The following ZNF254 variants were observed in gnomAD, a reference collection of about 807,000 sequenced individuals.
ZNF254 encodes zinc finger protein 254.
A neutral mutation model predicts 12.4 loss-of-function variants in ZNF254; 10 were observed. The observed-to-expected ratio is 0.80, with a 90% confidence interval of 0.50 to 1.36. The LOEUF (loss-of-function observed/expected upper bound fraction) is 1.36, where lower values mean the gene tolerates loss of function less well. Ranked by LOEUF, ZNF254 falls within the 40% of genes most tolerant of loss-of-function variation. The probability of loss-of-function intolerance (pLI) is 0.00; values close to 1 mark genes in which losing one functional copy is unlikely to be tolerated. For missense variants in ZNF254, 996 were observed against 763.9 expected (o/e 1.30, Z -3.58); for synonymous variants, 305 against 253.4 (o/e 1.20, Z -1.93).
At position 24,123,445 on chromosome 19, in the gene ZNF254, C is replaced by G. The variant is rs180811822; in HGVS notation, c.254-2809C>G. ...TTGTTTTATACTGCCTTTAAGTAGT[C>G]TGTTCCCTTATTAACATTCTTTCTT... is the stretch of plus-strand genomic sequence containing the variant. On this transcript the variant is annotated intron_variant, in intron 3 of 3. Transcript: ENST00000357002. Among the ~76,000 whole-genome samples the G allele has an allele frequency of 1.2e-4, 19 of 152,272 alleles. No individual in the cohort carries two copies. In the East Asian group the frequency reaches 3.5e-3, roughly 28 times the overall value.
At chr19:24,091,163 T>C (rs998738040) in intron 1 of ZNF254, among the ~76,000 whole-genome samples, 3 of 151,970 alleles carry the variant, frequency 2.0e-5, no homozygotes, top group Non-Finnish European at 4.4e-5. Flanking sequence ...TAGGCTGGTC[T>C]TGAACTCCTG....
chr19:24,125,883 T>C (rs531003515), intron 3 of ZNF254, among the ~76,000 whole-genome samples: 40 of 152,358 alleles, frequency 2.6e-4, no homozygotes, highest in African/African-American at 7.2e-4. Context: ...ATTGTGCCGG[T>C]ATTTTACCTT....
intron 3 of ZNF254, among the ~76,000 whole-genome samples, chr19:24,113,504 T>C (rs914424319): frequency 6.6e-6 from 1 of 152,166 alleles, no homozygotes; most frequent in Admixed American, 6.5e-5. Context: ...CTAAAAACTC[T>C]CAATAAATTA....
At chr19:24,097,273 G>A (rs962304043) in intron 1 of ZNF254, among the ~76,000 whole-genome samples, 1 of 152,266 alleles carries the variant, frequency 6.6e-6, no homozygotes, top group African/African-American at 2.4e-5. Context: ...GCACACAAAA[G>A]TTGAGCATAA....
intron 1 of ZNF254, among the ~76,000 whole-genome samples, chr19:24,100,680 CTCTTT>C (rs1000436943): frequency 8.7e-6 from 1 of 114,400 alleles, no homozygotes; most frequent in Admixed American, 8.3e-5. Flanking sequence ...ATGTCTCTCT[CTCTTT>C]TTTTTTTTTT....
At chr19:24,060,441 A>G (rs1269439375) in intron 2 of ZNF254, among the ~76,000 whole-genome samples, 6 of 152,120 alleles carry the variant, frequency 3.9e-5, no homozygotes, top group Non-Finnish European at 5.9e-5. Context: ...CCCAGCATCA[A>G]TGTAATTTGT....
Position 24,091,880 on chromosome 19 carries a change from A to C in ZNF254, c.30+4543A>C, listed in dbSNP as rs954540663. 22 of 959,682 alleles carry C rather than the reference A, an allele frequency of 2.3e-5. No individual in the cohort carries two copies. The East Asian group carries it at 1.1e-3, about 47-fold the overall frequency. 59.4% of individuals were successfully genotyped at this position (959,682 alleles called of 1,614,324 possible). ...CTCCTAGAAGTGTTCCTATGTGATT[A>C]ATTTTTTTTTTTTTTTTGAGATGGA... is the stretch of plus-strand genomic sequence containing the variant. On this transcript the variant is annotated intron_variant, in intron 1 of 3. Coordinates refer to ENST00000357002, the MANE Select transcript of ZNF254 (RefSeq NM_203282.4).
At chr19:24,099,887 T>A (rs1972905962) in intron 1 of ZNF254, among the ~76,000 whole-genome samples, 1 of 152,186 alleles carries the variant, frequency 6.6e-6, no homozygotes, top group Non-Finnish European at 1.5e-5. Context: ...AGAGAATTTT[T>A]AAAAAATTAT....
intron 2 of ZNF254, among the ~76,000 whole-genome samples, chr19:24,051,869 A>G (rs1290127898): frequency 6.6e-6 from 1 of 151,874 alleles, no homozygotes; most frequent in Non-Finnish European, 1.5e-5. Flanking sequence ...GGTGTTTTTT[A>G]CATATAGTTG....
chr19:24,078,473 T>G (rs1301168589), intron 2 of ZNF254: 1 of 152,216 alleles, frequency 6.6e-6, no homozygotes, highest in Non-Finnish European at 1.5e-5. Flanking sequence ...TTCTCACTTT[T>G]TCAAAAAGAC....
intron 1 of ZNF254, chr19:24,104,458 G>A (rs527740557): frequency 8.5e-5 from 13 of 152,190 alleles, no homozygotes; most frequent in African/African-American, 2.9e-4. Flanking sequence ...TCAGCTAAAC[G>A]TGTCCCAGAT....
intron 3 of ZNF254, among the ~76,000 whole-genome samples, chr19:24,121,505 G>A (rs555261344): frequency 6.6e-5 from 10 of 151,808 alleles, no homozygotes; most frequent in Admixed American, 6.6e-4. Flanking sequence ...TCAGCCATAT[G>A]TCTTTTTCCA....
At chr19:24,069,723 T>C (rs1971414708) in intron 2 of ZNF254, among the ~76,000 whole-genome samples, 1 of 148,878 alleles carries the variant, frequency 6.7e-6, no homozygotes, top group African/African-American at 2.5e-5. Flanking sequence ...GAGGCCGAGG[T>C]GGGCGGATCA....
chr19:24,063,580 G>A lies in ZNF254; in HGVS notation c.-94+17301G>A, dbSNP rs191725160. On this transcript the variant is annotated intron_variant, in intron 2 of 4. Coordinates refer to the ZNF254 transcript ENST00000613065. ...GTGATGTAACACTTCATCCTGGACC[G>A]GTCTACAGAGGGGATTGTAATATAT... is the stretch of plus-strand genomic sequence containing the variant. 4.6e-5 allele frequency among the ~76,000 whole-genome samples: 7 copies of A among 152,216 alleles called. No individual in the cohort carries two copies. The East Asian group carries it at 9.7e-4, about 21-fold the overall frequency.
rs992898141 is a variant in ZNF254, at chr19:24,127,542, A to T, written c.1542A>T (p.Gly514=). 1.2e-6 allele frequency: 2 copies of T among 1,613,540 alleles called. No homozygotes were observed. The highest frequency in any genetic ancestry group is 1.1e-5 in the South Asian group (1 of 91,080). The change falls in exon 4 of 4, where the codon GGA becomes GGT. Residue 514 remains glycine (G), a synonymous_variant. Transcript: ENST00000357002. ...TLTTHKIIHT[G]EKPYKCEECG... Reference sequence around the variant, plus strand: ...CTACACATAAGATAATTCATACTGGAGAGAAACCCTACAAATGTGAAGAAT... The same window carrying T: ...CTACACATAAGATAATTCATACTGGTGAGAAACCCTACAAATGTGAAGAAT...
intron 3 of ZNF254, among the ~76,000 whole-genome samples, chr19:24,115,922 C>T (rs1255415217): frequency 6.6e-6 from 1 of 152,154 alleles, no homozygotes; most frequent in African/African-American, 2.4e-5. Context: ...ATTTGCTTGT[C>T]TGTAAAGTAT....
intron 1 of ZNF254, chr19:24,091,795 A>G: frequency 1.0e-6 from 1 of 969,086 alleles, no homozygotes; most frequent in Non-Finnish European, 1.2e-6. Context: ...GCCCAGCCCT[A>G]TATCCTGTTA....
At chr19:24,084,932 CTTTT>C (rs150066308), upstream of ZNF254, among the ~76,000 whole-genome samples, 1 of 119,664 alleles carries the variant, frequency 8.4e-6, no homozygotes, top group Admixed American at 8.9e-5. Context: ...TGACCACAAT[CTTTT>C]TTTTTTTTTT....
chr19:24,089,541 T>C (rs1030508050), intron 1 of ZNF254, among the ~76,000 whole-genome samples: 1 of 152,120 alleles, frequency 6.6e-6, no homozygotes, highest in African/African-American at 2.4e-5. Context: ...CAGTACTGTA[T>C]TGGGATAAAC....
Sources: allele counts gnomAD v4.1 joint callset (sites outside exome capture counted in the v4.1 genomes callset), GRCh38; gene constraint gnomAD v4.1.1; transcripts MANE v1.5; gene names NCBI Gene and HGNC (gene_info 2026-07-23, HGNC 2026-07-21).